GALNT13: variants seen among roughly 807,000 people sequenced by gnomAD.
GALNT13 encodes UDP-GalNAc:polypeptide N-acetylgalactosaminyltransferase 13.
Under a neutral mutation model 64.2 loss-of-function variants are expected in GALNT13, and 28 were observed. The ratio of observed to expected loss-of-function variants is 0.44; its 90% CI spans 0.32 to 0.60. The LOEUF is 0.60. Ranked by LOEUF, GALNT13 falls within the 20% of genes least tolerant of loss-of-function variation. The probability of loss-of-function intolerance (pLI) is 0.05; values close to 1 mark genes in which losing one functional copy is unlikely to be tolerated. For synonymous variants in GALNT13, 214 were observed against 224.6 expected (o/e 0.95, Z 0.42); for missense variants, 577 against 669.8 (o/e 0.86, Z 1.53).
intron 9 of GALNT13, among the ~76,000 whole-genome samples, chr2:154,307,090 G>A (rs772505889): frequency 1.3e-5 from 2 of 152,068 alleles, no homozygotes; most frequent in Non-Finnish European, 2.9e-5. Flanking sequence ...GAAGCAAGAT[G>A]GAGTTGGGTA....
intron 3 of GALNT13, among the ~76,000 whole-genome samples, chr2:154,078,851 G>T (rs546156119): frequency 6.6e-6 from 1 of 151,574 alleles, no homozygotes; most frequent in East Asian, 1.9e-4. Flanking sequence ...GCATTGCTAT[G>T]TGGCTTCAAG....
chr2:153,460,558 T>G, the GALNT13 span, among the ~76,000 whole-genome samples: 1 of 152,140 alleles, frequency 6.6e-6, no homozygotes, highest in Non-Finnish European at 1.5e-5. Flanking sequence ...AAATTGGATT[T>G]ATACCTAAGA....
chr2:153,772,659 A>G, the GALNT13 span, among the ~76,000 whole-genome samples: 1 of 152,102 alleles, frequency 6.6e-6, no homozygotes, highest in Non-Finnish European at 1.5e-5. Context: ...CATCCTGGGG[A>G]AAAAAAGGTT....
intron 9 of GALNT13, among the ~76,000 whole-genome samples, chr2:154,303,011 T>G (rs2105100812): frequency 6.6e-6 from 1 of 152,308 alleles, no homozygotes; most frequent in Middle Eastern, 3.4e-3. Context: ...AGAAATATAC[T>G]TTGGGTTCCT....
At chr2:153,751,429 T>C in the GALNT13 span, among the ~76,000 whole-genome samples, 4 of 151,892 alleles carry the variant, frequency 2.6e-5, no homozygotes, top group Non-Finnish European at 5.9e-5. Context: ...TGTGGGGTGT[T>C]GAAGTCTCCA....
chr2:153,649,609 T>A, the GALNT13 span, among the ~76,000 whole-genome samples: 12 of 152,152 alleles, frequency 7.9e-5, no homozygotes, highest in Non-Finnish European at 1.3e-4. Flanking sequence ...TTTAGTGCTA[T>A]AAATTTCCCT....
At chr2:153,101,096 G>A in the GALNT13 span, among the ~76,000 whole-genome samples, 2 of 152,148 alleles carry the variant, frequency 1.3e-5, no homozygotes, top group East Asian at 1.9e-4. Flanking sequence ...ATGTTATGAT[G>A]TAAATAACAT....
At chr2:153,468,165 C>T in the GALNT13 span, among the ~76,000 whole-genome samples, 1 of 151,878 alleles carries the variant, frequency 6.6e-6, no homozygotes, top group Non-Finnish European at 1.5e-5. Context: ...CTTTCTGAAC[C>T]ATGGAATCAT....
chr2:153,161,164 G>A, the GALNT13 span, among the ~76,000 whole-genome samples: 1 of 152,134 alleles, frequency 6.6e-6, no homozygotes, highest in South Asian at 2.1e-4. Context: ...GCAATACACC[G>A]CTTATGAACT....
chr2:153,707,602 G>C, the GALNT13 span, among the ~76,000 whole-genome samples: 1 of 152,130 alleles, frequency 6.6e-6, no homozygotes, highest in Non-Finnish European at 1.5e-5. Context: ...CTGCTGTACT[G>C]CCTTGTACAA....
At chr2:154,204,363 G>C (rs1386851362) in intron 4 of GALNT13, among the ~76,000 whole-genome samples, 1 of 152,032 alleles carries the variant, frequency 6.6e-6, no homozygotes, top group East Asian at 1.9e-4. Context: ...TCTAAATCTA[G>C]AGAAGTCCCT....
Position 153,949,322 on chromosome 2 carries a change from T to G in GALNT13, c.142+4683T>G, listed in dbSNP as rs912451440. Among the ~76,000 whole-genome samples the G allele has an allele frequency of 3.9e-5, 6 of 152,164 alleles. No individual in the cohort carries two copies. In the South Asian group the frequency reaches 1.0e-3, roughly 26 times the overall value. On this transcript the variant is annotated intron_variant, in intron 3 of 12. Transcript: ENST00000392825. ...AAAGGAAAAGTAAGTTAGAAATGAT[T>G]ATAAAACATAATTGATATTAGGATC...
intron 2 of GALNT13, among the ~76,000 whole-genome samples, chr2:153,917,511 A>T (rs1285593713): frequency 1.3e-5 from 2 of 152,096 alleles, no homozygotes; most frequent in African/African-American, 4.8e-5. Flanking sequence ...AAACTTAAAA[A>T]TTTTTCTAGA....
the GALNT13 span, among the ~76,000 whole-genome samples, chr2:153,476,462 C>G: frequency 6.6e-6 from 1 of 152,094 alleles, no homozygotes; most frequent in African/African-American, 2.4e-5. Flanking sequence ...TGCTCAAAAC[C>G]TTTTGTCAAG....
the GALNT13 span, among the ~76,000 whole-genome samples, chr2:153,855,634 G>A: frequency 6.6e-6 from 1 of 152,140 alleles, no homozygotes; most frequent in East Asian, 1.9e-4. Flanking sequence ...TACATTGCTG[G>A]TGGGACTATA....
chr2:153,390,436 T>A, the GALNT13 span, among the ~76,000 whole-genome samples: 1,671 of 152,034 alleles, frequency 0.011, 18 homozygotes, highest in South Asian at 0.032. Flanking sequence ...GTTCTGCACA[T>A]GTAACCCAGA....
At chr2:154,297,304 C>A (rs2105973956) in intron 8 of GALNT13, among the ~76,000 whole-genome samples, 1 of 152,214 alleles carries the variant, frequency 6.6e-6, no homozygotes, top group African/African-American at 2.4e-5. Context: ...ATAAGAGATG[C>A]TGGTGATTAG....
chr2:153,695,761 G>A, the GALNT13 span, among the ~76,000 whole-genome samples: 3 of 152,188 alleles, frequency 2.0e-5, no homozygotes, highest in Admixed American at 1.3e-4. Flanking sequence ...TTACACAGAG[G>A]ATGATATTGG....
rs192034057 is a variant in GALNT13 at position 154,166,924 on chromosome 2, C to T, written c.311+26419C>T. Among the ~76,000 whole-genome samples, 300 of 149,926 alleles carry T rather than the reference C, an allele frequency of 2.0e-3. 2 individuals carry two copies. Among genetic ancestry groups the T allele is most frequent in the African/African-American group, 7.3e-3 (297 of 40,654 alleles). On this transcript the variant is annotated intron_variant, in intron 4 of 12. Transcript: ENST00000392825. ...TTCTCACTCATAGGTGGGAATTGAA[C>T]AATGAGAACACATGGACACAGGAAG...
Sources: gnomAD v4.1 joint callset for allele counts (sites outside exome capture counted in the v4.1 genomes callset) on GRCh38, gnomAD v4.1.1 for gene constraint, MANE v1.5 for transcripts, NCBI Gene and HGNC (gene_info 2026-07-23, HGNC 2026-07-21) for gene names.